The following TMPRSS7 variants were observed in gnomAD, a reference collection of about 807,000 sequenced individuals.
TMPRSS7 encodes transmembrane serine protease 7, also known as transmembrane protease serine 7.
A neutral mutation model predicts 95.6 loss-of-function variants in TMPRSS7; 81 were observed. The ratio of observed to expected loss-of-function variants is 0.85; its 90% CI spans 0.71 to 1.02. The LOEUF is 1.02. Ranked by LOEUF, TMPRSS7 falls within the 50% of genes least tolerant of loss-of-function variation. The pLI is 0.00. For missense variants in TMPRSS7, 945 were observed against 955.2 expected (o/e 0.99, Z 0.14); for synonymous variants, 364 against 337.8 (o/e 1.08, Z -0.85).
chr3:112,050,449 A>T (rs2073330173), intron 8 of TMPRSS7, among the ~76,000 whole-genome samples: 1 of 151,084 alleles, frequency 6.6e-6, no homozygotes, highest in Admixed American at 6.6e-5. Flanking sequence ...AAAACATATG[A>T]TGTGAAAACA....
At chr3:112,047,551 C>G (rs149140260) in intron 6 of TMPRSS7, 188 bp from the exon 7 acceptor site, 142 of 671,240 alleles carry the variant, frequency 2.1e-4, no homozygotes, top group Middle Eastern at 7.1e-4. Context: ...ACTATATAGA[C>G]AGAGTGTGGA....
In TMPRSS7 at chr3:112,049,898, G is replaced by A. The variant is rs775803423; in HGVS notation, c.1014G>A (p.Met338Ile). The change falls in exon 8 of 18, where the codon ATG (methionine) becomes ATA (isoleucine). Residue 338 changes from methionine to isoleucine, a missense_variant. Transcript: ENST00000452346. Reference sequence around the variant, plus strand: ...CATTTGTTTCTACAAATAATCTCATGTTGGTGACATTTAAGTCTCCTCATA... The same window carrying A: ...CATTTGTTTCTACAAATAATCTCATATTGGTGACATTTAAGTCTCCTCATA... The A allele has an allele frequency of 1.4e-5, 22 of 1,560,336 alleles. No individual in the cohort carries two copies. The highest frequency in any genetic ancestry group is 3.4e-4 in the Middle Eastern group (2 of 5,892).
rs2073643747 is a variant in TMPRSS7, at chr3:112,071,369, GC to G, written c.1667-2924del. Among the ~76,000 whole-genome samples, 6 of 152,288 alleles carry G rather than the reference GC, an allele frequency of 3.9e-5. No homozygotes were observed. In the South Asian group the frequency reaches 1.0e-3, roughly 26 times the overall value. ...GGTAACCTGACCTTTGTCTTTGGCT[GC>G]CCTTAACATTTTTTCCTTCATTTCA... On this transcript the variant is annotated intron_variant, in intron 13 of 17. Transcript: ENST00000452346.
At chr3:112,058,865 T>C (rs1289199987) in intron 10 of TMPRSS7, among the ~76,000 whole-genome samples, 1 of 152,238 alleles carries the variant, frequency 6.6e-6, no homozygotes, top group Non-Finnish European at 1.5e-5. Context: ...AGTTCTTCAC[T>C]AGGCTTGTGG....
At chr3:112,051,635 TC>T (rs2073355103) in intron 9 of TMPRSS7, among the ~76,000 whole-genome samples, 1 of 109,068 alleles carries the variant, frequency 9.2e-6, no homozygotes, top group African/African-American at 3.5e-5. Context: ...CATCTATCTA[TC>T]TATCTATCTA....
chr3:112,060,157 G>T (rs937489456), intron 10 of TMPRSS7, among the ~76,000 whole-genome samples: 7 of 152,172 alleles, frequency 4.6e-5, no homozygotes, highest in Non-Finnish European at 8.8e-5. Flanking sequence ...TACGAATAGG[G>T]TGTGGGTCAC....
chr3:112,038,889 G>A (rs894447346), intron 2 of TMPRSS7, among the ~76,000 whole-genome samples: 4 of 152,090 alleles, frequency 2.6e-5, no homozygotes, highest in Admixed American at 6.5e-5. Context: ...GAGGAGATTG[G>A]GGATAGGATG....
At chr3:112,035,719 C>A (rs1463846352) in intron 1 of TMPRSS7, among the ~76,000 whole-genome samples, 1 of 152,098 alleles carries the variant, frequency 6.6e-6, no homozygotes, top group African/African-American at 2.4e-5. Flanking sequence ...TTAAATGAAG[C>A]TAAACTCTTG....
At chr3:112,047,942 C>T (rs767441212) in exon 7 of TMPRSS7, 12 of 1,613,978 alleles carry the variant, frequency 7.4e-6, no homozygotes, top group South Asian at 1.1e-5. Flanking sequence ...CTCCCTTTTG[C>T]CCATCCGGAG....
intron 2 of TMPRSS7, 33 bp downstream of exon 2, chr3:112,038,354 G>T: frequency 1.4e-6 from 1 of 693,888 alleles, no homozygotes; most frequent in South Asian, 1.5e-5. Context: ...TTTGGGGTTA[G>T]GGCTTATGGT....
chr3:112,061,699 G>A, intron 10 of TMPRSS7, 88 bp from the exon 11 acceptor site: 2 of 1,435,256 alleles, frequency 1.4e-6, no homozygotes, highest in Non-Finnish European at 1.9e-6. Flanking sequence ...AAAACCAAAT[G>A]ACCAAAGTAT....
chr3:112,076,176 CA>C (rs1299146507), intron 15 of TMPRSS7, among the ~76,000 whole-genome samples: 1 of 152,056 alleles, frequency 6.6e-6, no homozygotes, highest in Non-Finnish European at 1.5e-5. Flanking sequence ...AATTAGTGAC[CA>C]AAATTTTGGG....
intron 10 of TMPRSS7, among the ~76,000 whole-genome samples, chr3:112,058,766 A>T (rs1346642224): frequency 6.6e-6 from 1 of 152,116 alleles, no homozygotes; most frequent in African/African-American, 2.4e-5. Flanking sequence ...ACGACCCGGG[A>T]TGTGTTTATT....
chr3:112,044,264 G>T (rs2073248693), exon 4 of TMPRSS7: 2 of 1,550,022 alleles, frequency 1.3e-6, no homozygotes, highest in African/African-American at 1.4e-5. Flanking sequence ...GATAAACCTG[G>T]TTTATACAAC....
intron 8 of TMPRSS7, 42 bp from the exon 9 acceptor site, chr3:112,050,629 C>A (rs369016957): frequency 2.7e-6 from 3 of 1,117,532 alleles, no homozygotes; most frequent in Non-Finnish European, 3.8e-6. Context: ...TCCATAATCT[C>A]ACAGCTGCAA....
chr3:112,060,700 TACAA>T (rs1234466311), intron 10 of TMPRSS7, among the ~76,000 whole-genome samples: 1 of 152,204 alleles, frequency 6.6e-6, no homozygotes, highest in African/African-American at 2.4e-5. Context: ...ACACATGCTC[TACAA>T]ACAATTTGTG....
chr3:112,050,527 A>AAAAAAAAC (rs1044959191), intron 8 of TMPRSS7, 144 bp from the exon 9 acceptor site: 3 of 351,554 alleles, frequency 8.5e-6, no homozygotes, highest in Non-Finnish European at 1.6e-5. Flanking sequence ...CTTCTGAAAA[A>AAAAAAAAC]AAAAAAAAAA....
intron 10 of TMPRSS7, among the ~76,000 whole-genome samples, chr3:112,058,753 A>G (rs1334100612): frequency 6.6e-6 from 1 of 152,118 alleles, no homozygotes. Flanking sequence ...CTAAATCACA[A>G]CAACGACCCG....
intron 12 of TMPRSS7, among the ~76,000 whole-genome samples, chr3:112,064,476 G>A (rs1268830625): frequency 2.0e-5 from 3 of 151,992 alleles, no homozygotes; most frequent in Non-Finnish European, 2.9e-5. Flanking sequence ...AGCCTCCTGA[G>A]TAGCTGGGAC....
Sources: allele counts gnomAD v4.1 joint callset (sites outside exome capture counted in the v4.1 genomes callset), GRCh38; gene constraint gnomAD v4.1.1; transcripts MANE v1.5; gene names NCBI Gene and HGNC (gene_info 2026-07-23, HGNC 2026-07-21).